SLC23A2: variants seen among roughly 807,000 people sequenced by gnomAD.
SLC23A2 encodes solute carrier family 23 member 2.
Under a neutral mutation model 73.3 loss-of-function variants are expected in SLC23A2, and 36 were observed. That is an observed-to-expected ratio of 0.49 (90% CI 0.38 to 0.65). The LOEUF (loss-of-function observed/expected upper bound fraction) is 0.65, where lower values mean the gene tolerates loss of function less well. SLC23A2 is among the 30% of genes least tolerant of loss of function. The probability of loss-of-function intolerance (pLI) is 0.00; values close to 1 mark genes in which losing one functional copy is unlikely to be tolerated. For synonymous variants in SLC23A2, 343 were observed against 327.3 expected (o/e 1.05, Z -0.52); for missense variants, 507 against 841.6 (o/e 0.60, Z 4.92).
intron 4 of SLC23A2, among the ~76,000 whole-genome samples, chr20:4,905,678 A>G (rs1931919506): frequency 6.6e-6 from 1 of 152,206 alleles, no homozygotes; most frequent in Admixed American, 6.5e-5. Context: ...TATCTAGTCT[A>G]GCACCTTTGG....
intron 2 of SLC23A2, among the ~76,000 whole-genome samples, chr20:4,945,453 T>A (rs2087106123): frequency 6.6e-6 from 1 of 151,942 alleles, no homozygotes; most frequent in East Asian, 1.9e-4. Context: ...GCCCAGCAAA[T>A]GTTTGTATTT....
At chr20:4,861,888 G>A (rs1488123021) in intron 15 of SLC23A2, 60 bp downstream of exon 15, 24 of 1,583,010 alleles carry the variant, frequency 1.5e-5, no homozygotes, top group Middle Eastern at 3.4e-4. Context: ...AAAGAGCTGC[G>A]TGTGGACTGG....
At chr20:4,946,443 A>T (rs2087120000) in intron 2 of SLC23A2, among the ~76,000 whole-genome samples, 1 of 152,172 alleles carries the variant, frequency 6.6e-6, no homozygotes, top group African/African-American at 2.4e-5. Flanking sequence ...AACGTGGGAA[A>T]TTTTCCTGAA....
At chr20:5,008,990 C>T (rs565310296) in intron 1 of SLC23A2, among the ~76,000 whole-genome samples, 65 of 152,256 alleles carry the variant, frequency 4.3e-4, no homozygotes, top group Non-Finnish European at 7.2e-4. Flanking sequence ...TTCCTTCCTC[C>T]CTTTACCCCA....
chr20:4,888,457 G>A (rs1002797286), intron 6 of SLC23A2, among the ~76,000 whole-genome samples: 17 of 152,294 alleles, frequency 1.1e-4, no homozygotes, highest in African/African-American at 4.1e-4. Flanking sequence ...ACAGTTAATA[G>A]TGGTCACTAG....
intron 2 of SLC23A2, among the ~76,000 whole-genome samples, chr20:4,935,678 A>G (rs2086951956): frequency 6.6e-6 from 1 of 152,112 alleles, no homozygotes; most frequent in African/African-American, 2.4e-5. Flanking sequence ...GGGCGCCTGT[A>G]GTCCCAGCTA....
chr20:4,908,209 G>GA (rs912969551), intron 4 of SLC23A2, among the ~76,000 whole-genome samples: 1 of 152,158 alleles, frequency 6.6e-6, no homozygotes, highest in Admixed American at 6.5e-5. Context: ...GCTAAATATT[G>GA]AAAATGCCAG....
intron 10 of SLC23A2, 117 bp from the exon 11 acceptor site, chr20:4,874,209 G>T: frequency 1.2e-6 from 1 of 818,954 alleles, no homozygotes; most frequent in Non-Finnish European, 1.8e-6. Flanking sequence ...TCAGTACTTT[G>T]CAGACCTTCC....
chr20:4,901,573 G>A (rs540764846), intron 5 of SLC23A2, among the ~76,000 whole-genome samples: 1 of 152,112 alleles, frequency 6.6e-6, no homozygotes, highest in African/African-American at 2.4e-5. Context: ...TATCAAAGAC[G>A]CCGGAGGCCT....
chr20:4,979,303 G>A (rs547579585), intron 1 of SLC23A2, among the ~76,000 whole-genome samples: 2 of 151,496 alleles, frequency 1.3e-5, no homozygotes, highest in African/African-American at 4.8e-5. Flanking sequence ...CAAAAAAAAA[G>A]AAAAAGAAAA....
In SLC23A2 at chr20:4,902,338, AG is replaced by A. The variant is rs1452218020; in HGVS notation, c.324+103del. The A allele has an allele frequency of 1.3e-5, 9 of 675,238 alleles. No homozygotes were observed. The highest frequency in any genetic ancestry group is 2.3e-5 in the Non-Finnish European group (9 of 383,380). The allele number at this position is 675,238 out of a possible 1,614,324, so 41.8% of individuals were successfully genotyped here. ...CACTCTTAAAAGAGGAATTTATAAA[AG>A]TCTTCAATAAACAAAAACCAAAGTG... On this transcript the variant is annotated intron_variant, in intron 5 of 16. Coordinates refer to ENST00000338244, the MANE Select transcript of SLC23A2 (RefSeq NM_005116.6). This position sits in a 1 kb window ranked among gnomAD's most constrained non-coding sequence, Gnocchi z 4.0.
Position 4,856,230 on chromosome 20 carries a change from G to C in SLC23A2, c.*742C>G, listed in dbSNP as rs1929708192. On this transcript the variant is annotated 3_prime_UTR_variant, in exon 17 of 17. Coordinates refer to ENST00000338244, the MANE Select transcript of SLC23A2 (RefSeq NM_005116.6). This position sits in a 1 kb window ranked among gnomAD's most constrained non-coding sequence, Gnocchi z 4.6. ...GCCAGAGAGGGTGTCTCGGCCACTAGTGAAATGAAAAGAGGCCAGTGTGCA... is the reference window on the plus strand; with the variant it reads ...GCCAGAGAGGGTGTCTCGGCCACTACTGAAATGAAAAGAGGCCAGTGTGCA... 6.6e-6 allele frequency: 1 copy of C among 152,230 alleles called. No homozygotes were observed. The highest frequency in any genetic ancestry group is 2.4e-5 in the African/African-American group (1 of 41,462). 9.4% of individuals were successfully genotyped at this position (152,230 alleles called of 1,614,324 possible). A position where few individuals can be genotyped will look rare whatever the true frequency, so the allele number is the denominator to read the frequency against.
chr20:4,922,869 G>A (rs1287543178), intron 3 of SLC23A2, among the ~76,000 whole-genome samples: 1 of 150,282 alleles, frequency 6.7e-6, no homozygotes, highest in East Asian at 2.0e-4. Flanking sequence ...ACACAAGTAA[G>A]AGATGGCCAG....
chr20:4,949,933 C>T (rs539287328), intron 2 of SLC23A2, among the ~76,000 whole-genome samples: 14 of 152,286 alleles, frequency 9.2e-5, no homozygotes, highest in Middle Eastern at 3.4e-3. Context: ...TGCAACCCTG[C>T]GATTGTCCTG....
intron 6 of SLC23A2, among the ~76,000 whole-genome samples, chr20:4,898,318 T>C (rs996025497): frequency 2.6e-5 from 4 of 152,116 alleles, no homozygotes; most frequent in African/African-American, 9.7e-5. Context: ...CAGCCTACCC[T>C]CCCAGGGTGT....
chr20:4,882,916 C>T lies in SLC23A2; in HGVS notation c.824+726G>A, dbSNP rs6139573. 2.8e-4 allele frequency among the ~76,000 whole-genome samples: 43 copies of T among 152,196 alleles called. No individual in the cohort carries two copies. The East Asian group carries it at 4.1e-3, about 14-fold the overall frequency. On this transcript the variant is annotated intron_variant, in intron 9 of 16. Coordinates refer to ENST00000338244, the MANE Select transcript of SLC23A2 (RefSeq NM_005116.6). ...ATTCCAGAGTAATGGAACCATATAC[C>T]TACACATAATCAACTCTTAAACATG...
chr20:4,936,048 T>A (rs960663749), intron 2 of SLC23A2, among the ~76,000 whole-genome samples: 2 of 152,180 alleles, frequency 1.3e-5, no homozygotes, highest in African/African-American at 2.4e-5. Context: ...GATGCAAACA[T>A]TTTATCCCCG....
intron 2 of SLC23A2, among the ~76,000 whole-genome samples, chr20:4,964,899 GA>G (rs11087663): frequency 0.41 from 56,926 of 137,466 alleles, 11,582 homozygotes; most frequent in Admixed American, 0.49. Context: ...GGGAAAAGAA[GA>G]AAAAAAAAAA....
At chr20:5,006,529 G>A (rs1228278263) in intron 1 of SLC23A2, among the ~76,000 whole-genome samples, 1 of 150,428 alleles carries the variant, frequency 6.6e-6, no homozygotes, top group East Asian at 1.9e-4. Flanking sequence ...GATGGCAAAT[G>A]TTCATCTGTA....
Sources: gnomAD v4.1 joint callset for allele counts (sites outside exome capture counted in the v4.1 genomes callset) on GRCh38, gnomAD v4.1.1 for gene constraint, Gnocchi (gnomAD v3.1) non-coding constraint, MANE v1.5 for transcripts, NCBI Gene and HGNC (gene_info 2026-07-23, HGNC 2026-07-21) for gene names.